EYS: variants seen among roughly 807,000 people sequenced by gnomAD.
EYS encodes protein eyes shut homolog.
In EYS, 250 loss-of-function variants were observed where a neutral mutation model predicts 282.1. The ratio of observed to expected loss-of-function variants is 0.89; its 90% CI spans 0.80 to 0.98. The LOEUF (loss-of-function observed/expected upper bound fraction) is 0.98, where lower values mean the gene tolerates loss of function less well. EYS is among the 50% of genes least tolerant of loss of function. EYS has a pLI of 0.00. For missense variants in EYS, 4,016 were observed against 3,709.0 expected, an observed-to-expected ratio of 1.08 and a Z score of -2.15; for synonymous variants, 1,355 against 1,282.9, an observed-to-expected ratio of 1.06 and a Z score of -1.20.
chr6:63,995,905 T>A (rs1767812344), intron 34 of EYS, among the ~76,000 whole-genome samples: 1 of 151,894 alleles, frequency 6.6e-6, no homozygotes, highest in South Asian at 2.1e-4. Flanking sequence ...GTGACTATAG[T>A]TAATAATAAC....
At chr6:65,301,639 G>T (rs1440752402) in intron 11 of EYS, among the ~76,000 whole-genome samples, 1 of 152,240 alleles carries the variant, frequency 6.6e-6, no homozygotes, top group Non-Finnish European at 1.5e-5. Context: ...GAAAGCCACC[G>T]ACCTTATTCC....
chr6:64,528,533 T>A (rs2150530095), intron 26 of EYS, among the ~76,000 whole-genome samples: 1 of 152,104 alleles, frequency 6.6e-6, no homozygotes, highest in East Asian at 1.9e-4. Context: ...TGGAATGTGT[T>A]TTGCTTTGAA....
At chr6:64,723,202 C>CT (rs1204282269) in intron 22 of EYS, among the ~76,000 whole-genome samples, 3 of 152,056 alleles carry the variant, frequency 2.0e-5, no homozygotes, top group African/African-American at 7.2e-5. Context: ...GCCATAATGA[C>CT]TTATGAGCCT....
intron 30 of EYS, among the ~76,000 whole-genome samples, chr6:64,303,345 T>A (rs905553047): frequency 6.6e-6 from 1 of 152,184 alleles, no homozygotes; most frequent in African/African-American, 2.4e-5. Flanking sequence ...CTTATGTTAT[T>A]TACTAATTCT....
intron 22 of EYS, among the ~76,000 whole-genome samples, chr6:64,640,542 G>A (rs1768098081): frequency 6.6e-6 from 1 of 150,546 alleles, no homozygotes. Context: ...ACACAGGAAG[G>A]GGGTCATCAC....
At chr6:64,349,604 A>T (rs996985676) in intron 29 of EYS, among the ~76,000 whole-genome samples, 2 of 151,318 alleles carry the variant, frequency 1.3e-5, no homozygotes, top group Admixed American at 1.3e-4. Context: ...GCATATTTTT[A>T]TTTAAGTTGA....
At chr6:64,142,334 A>G (rs1014832562) in intron 31 of EYS, among the ~76,000 whole-genome samples, 3 of 151,986 alleles carry the variant, frequency 2.0e-5, no homozygotes, top group African/African-American at 7.3e-5. Context: ...TTTCAAGCAG[A>G]AGTGAACTAT....
intron 30 of EYS, among the ~76,000 whole-genome samples, chr6:64,302,482 A>C (rs1488482538): frequency 6.6e-6 from 1 of 152,168 alleles, no homozygotes; most frequent in Admixed American, 6.5e-5. Flanking sequence ...AGTCCACCTG[A>C]TATGTCATTA....
intron 22 of EYS, among the ~76,000 whole-genome samples, chr6:64,810,124 T>C (rs1053260139): frequency 1.3e-5 from 2 of 151,856 alleles, no homozygotes; most frequent in African/African-American, 4.8e-5. Flanking sequence ...ATAAGACAAA[T>C]AGAATAATTT....
At chr6:65,510,712 A>T (rs2127287704) in intron 2 of EYS, among the ~76,000 whole-genome samples, 1 of 152,206 alleles carries the variant, frequency 6.6e-6, no homozygotes, top group South Asian at 2.1e-4. Context: ...TTGTTAAAAA[A>T]TTTTCAGTGA....
chr6:64,451,622 C>G (rs1007409397), intron 26 of EYS, among the ~76,000 whole-genome samples: 3 of 152,152 alleles, frequency 2.0e-5, no homozygotes, highest in Non-Finnish European at 4.4e-5. Flanking sequence ...AAAATACTGG[C>G]AAACCGAATC....
At chr6:63,951,408 A>T (rs12193062) in intron 35 of EYS, among the ~76,000 whole-genome samples, 48,509 of 151,326 alleles carry the variant, frequency 0.32, 7,805 homozygotes, top group Admixed American at 0.39. Flanking sequence ...TACACATCGA[A>T]CCCTCCCTAG....
intron 26 of EYS, among the ~76,000 whole-genome samples, chr6:64,468,971 CATGTGT>C (rs1776022885): frequency 2.0e-5 from 3 of 152,078 alleles, no homozygotes; most frequent in Admixed American, 1.3e-4. Context: ...CACACATGTG[CATGTGT>C]CTTTTTGGTA....
intron 28 of EYS, among the ~76,000 whole-genome samples, chr6:64,397,674 TA>T (rs1323272626): frequency 6.6e-6 from 1 of 151,984 alleles, no homozygotes; most frequent in East Asian, 1.9e-4. Context: ...TTTTGTTTTG[TA>T]AATCAATGTT....
At chr6:65,605,293 G>GA (rs1479645524) in intron 2 of EYS, among the ~76,000 whole-genome samples, 1 of 150,404 alleles carries the variant, frequency 6.6e-6, no homozygotes, top group Admixed American at 6.7e-5. Context: ...ACACACAAGT[G>GA]AAAAAAATGA....
At chr6:64,796,187 G>C (rs879146731) in intron 22 of EYS, among the ~76,000 whole-genome samples, 1 of 152,142 alleles carries the variant, frequency 6.6e-6, no homozygotes, top group Admixed American at 6.5e-5. Context: ...ATTCATGTTT[G>C]CCCAATCATA....
At chr6:64,014,219 A>G (rs1023849195) in intron 33 of EYS, among the ~76,000 whole-genome samples, 1 of 152,170 alleles carries the variant, frequency 6.6e-6, no homozygotes, top group African/African-American at 2.4e-5. Context: ...TTAAACAAAA[A>G]GTAATTCAGA....
intron 2 of EYS, among the ~76,000 whole-genome samples, chr6:65,608,593 T>C (rs1765885402): frequency 6.6e-6 from 1 of 152,090 alleles, no homozygotes; most frequent in Non-Finnish European, 1.5e-5. Context: ...TTTAGGTTTA[T>C]TTACTTTTTA....
intron 12 of EYS, among the ~76,000 whole-genome samples, chr6:65,206,606 C>T (rs1040305754): frequency 9.2e-5 from 14 of 151,688 alleles, no homozygotes; most frequent in South Asian, 4.1e-4. Flanking sequence ...TTATCTCTGA[C>T]GAACATGGAT....
Sources: allele counts gnomAD v4.1 joint callset (sites outside exome capture counted in the v4.1 genomes callset), GRCh38; gene constraint gnomAD v4.1.1; transcripts MANE v1.5; gene names NCBI Gene and HGNC (gene_info 2026-07-23, HGNC 2026-07-21).